The following FBXO41 variants were observed in gnomAD, a reference collection of about 807,000 sequenced individuals.
FBXO41 encodes the protein F-box only protein 41.
Under a neutral mutation model 81.6 loss-of-function variants are expected in FBXO41, and 33 were observed. The ratio of observed to expected loss-of-function variants is 0.40; its 90% CI spans 0.31 to 0.54. The LOEUF is 0.54. Among genes scored for constraint, FBXO41 ranks in the 20% least tolerant of loss-of-function variants. FBXO41 has a pLI of 0.39. For missense variants in FBXO41, 1,107 were observed against 1,236.0 expected (o/e 0.90, Z 1.56); for synonymous variants, 576 against 552.7 (o/e 1.04, Z -0.59).
In FBXO41 at chr2:73,268,829, G is replaced by T; in HGVS notation, c.802C>A (p.Arg268Ser). 6.3e-7 allele frequency: 1 copy of T among 1,575,272 alleles called. No individual in the cohort carries two copies. The highest frequency in any genetic ancestry group is 8.6e-7 in the Non-Finnish European group (1 of 1,161,690). The stretch of plus-strand genomic sequence containing the variant: ...ACCTGGCGGGAGAGCTCAGACGCGC[G>T]CTCCTCCAGCTCCTCCTTCTCGCGC... ...LGREKEELEERASELSRQVDV... is the reference protein window; with the variant it reads ...LGREKEELEESASELSRQVDV... Residue 268 changes from arginine (R) to serine (S), a missense_variant, in exon 2 of 13, where the codon CGC becomes AGC. Coordinates refer to ENST00000520530, the MANE Select transcript of FBXO41 (RefSeq NM_001371389.2).
rs1474631444 is a variant in FBXO41 at position 73,265,645 on chromosome 2, G to A, written c.1206-5C>T. The stretch of plus-strand genomic sequence containing the variant: ...GCTGGCACACGGCTGGAGGCCCTGG[G>A]GCAGGGTGGACCACACAGTAAGGGG... On this transcript the variant is annotated splice_region_variant and splice_polypyrimidine_tract_variant and intron_variant, in intron 4 of 12. Transcript: ENST00000520530. The A allele has an allele frequency of 1.3e-6, 2 of 1,502,618 alleles. No homozygotes were observed. Among genetic ancestry groups the A allele is most frequent in the Non-Finnish European group, 1.8e-6 (2 of 1,125,544 alleles). The allele number at this position is 1,502,618 out of a possible 1,614,324, so 93.1% of individuals were successfully genotyped here.
In FBXO41 at chr2:73,266,872, T is replaced by G; in HGVS notation, c.906-190A>C. ...GATGACACATACAGAAATGCATGCA[T>G]GCACTCCGAGCCACACACTCACACC... On this transcript the variant is annotated intron_variant, in intron 2 of 12. Coordinates refer to ENST00000520530, the MANE Select transcript of FBXO41 (RefSeq NM_001371389.2). The surrounding 1 kb of genome is among the most constrained non-coding windows in gnomAD (Gnocchi z 5.3). The G allele has an allele frequency of 1.2e-6, 1 of 859,532 alleles. No homozygotes were observed. The highest frequency in any genetic ancestry group is 1.6e-6 in the Non-Finnish European group (1 of 618,574). 53.2% of individuals were successfully genotyped at this position (859,532 alleles called of 1,614,324 possible).
intron 2 of FBXO41, among the ~76,000 whole-genome samples, chr2:73,267,279 G>T (rs894908013): frequency 6.6e-6 from 1 of 152,092 alleles, no homozygotes; most frequent in African/African-American, 2.4e-5. Flanking sequence ...TGTGAGACAC[G>T]CAAAGAACCA....
In FBXO41 at chr2:73,265,628, A is replaced by G; in HGVS notation, c.1218T>C (p.Arg406=). 6.6e-7 allele frequency: 1 copy of G among 1,514,578 alleles called. No individual in the cohort carries two copies. The highest frequency in any genetic ancestry group is 8.8e-7 in the Non-Finnish European group (1 of 1,132,268). The allele number at this position is 1,514,578 out of a possible 1,614,324, so 93.8% of individuals were successfully genotyped here. The change falls in exon 5 of 13, where the codon CGT becomes CGC. Residue 406 remains arginine (R), a synonymous_variant. Coordinates refer to ENST00000520530, the MANE Select transcript of FBXO41 (RefSeq NM_001371389.2). ...CTGAGCTCTGGGATGCGGCTGGCAC[A>G]CGGCTGGAGGCCCTGGGGCAGGGTG... ...GSSPSTGASS[R]VPAASQSSGC... is the part of the protein sequence containing the mutation.
rs1295004951 is a variant in FBXO41, at chr2:73,268,988, C to T, written c.643G>A (p.Val215Met). The T allele has an allele frequency of 7.1e-6, 11 of 1,538,936 alleles. No individual in the cohort carries two copies. The highest frequency in any genetic ancestry group is 9.6e-6 in the Non-Finnish European group (11 of 1,146,452). ...LKIRALEKLEVDRRLERLSEE... is the reference protein window; with the variant it reads ...LKIRALEKLEMDRRLERLSEE... ...CTCAGCCGCTCCAGCCGCCGGTCCA[C>T]CTCCAGCTTCTCCAGCGCGCGGATC... The change falls in exon 2 of 13, where the codon GTG becomes ATG. Residue 215 changes from valine to methionine, a missense_variant. Val to Met is a conservative substitution (Grantham distance 21). This residue lies in a region of FBXO41 where 771 missense variants were observed against 789.2 expected (regional missense o/e 0.98). Transcript: ENST00000520530.
At chr2:73,270,717 A>G (rs72809963) in intron 1 of FBXO41, 20,173 of 493,226 alleles carry the variant, frequency 0.041, 533 homozygotes, top group Non-Finnish European at 0.054. Context: ...TCCCCCCACC[A>G]ATTCTGGCAT....
intron 4 of FBXO41, 21 bp from the exon 5 acceptor site, chr2:73,265,661 C>G (rs781741985): frequency 6.7e-7 from 1 of 1,486,782 alleles, no homozygotes. Context: ...GTGGACCACA[C>G]AGTAAGGGGT....
chr2:73,275,514 T>G (rs568865678), intron 1 of FBXO41, among the ~76,000 whole-genome samples: 1 of 152,164 alleles, frequency 6.6e-6, no homozygotes, highest in South Asian at 2.1e-4. Flanking sequence ...CTAGAAATTT[T>G]TGGTGTGCAT....
rs1439973676 is a variant in FBXO41 at position 73,260,219 on chromosome 2, G to A, written c.2449+170C>T. ...GCTAATAAGTAGCAGAGCCAGACCT[G>A]GGACCTAGGTCAGTCAGGCTCTAGA... On this transcript the variant is annotated intron_variant, in intron 11 of 12. Transcript: ENST00000520530. This position sits in a 1 kb window ranked among gnomAD's most constrained non-coding sequence, Gnocchi z 5.0. Among the ~76,000 whole-genome samples, 2 of 152,126 alleles carry A rather than the reference G, an allele frequency of 1.3e-5. No homozygotes were observed. Among genetic ancestry groups the A allele is most frequent in the Non-Finnish European group, 2.9e-5 (2 of 68,012 alleles).
chr2:73,265,165 T>C (rs1389743495), intron 5 of FBXO41, 117 bp downstream of exon 5: 7 of 978,276 alleles, frequency 7.2e-6, no homozygotes, highest in African/African-American at 4.9e-5. Flanking sequence ...GCCCCAGGCT[T>C]GAAGGGCGCT....
chr2:73,262,739 CTATTTATT>C lies in FBXO41; in HGVS notation c.2171+466_2171+473del, dbSNP rs770741983. Among the ~76,000 whole-genome samples the C allele has an allele frequency of 3.3e-5, 5 of 152,084 alleles. No individual in the cohort carries two copies. The South Asian group carries it at 8.3e-4, about 25-fold the overall frequency. Reference sequence around the variant, plus strand: ...TGACCCCAGGTCTGATTTTATTTATCTATTTATTTATTTATTTATTTATTAGACGGAGT... The same window carrying C: ...TGACCCCAGGTCTGATTTTATTTATCTATTTATTTATTTATTAGACGGAGT... On this transcript the variant is annotated intron_variant, in intron 9 of 12. Transcript: ENST00000520530.
At chr2:73,283,656 T>A (rs1242686253) in intron 1 of FBXO41, among the ~76,000 whole-genome samples, 1 of 152,206 alleles carries the variant, frequency 6.6e-6, no homozygotes, top group Non-Finnish European at 1.5e-5. Flanking sequence ...GTACAGGCAC[T>A]GGATGTGAAG....
rs1261841782 is a variant in FBXO41, at chr2:73,263,210, C to T, written c.2171+3G>A. On this transcript the variant is annotated splice_donor_region_variant and intron_variant, in intron 9 of 12. Coordinates refer to ENST00000520530, the MANE Select transcript of FBXO41 (RefSeq NM_001371389.2). ...CCTATCCCCCAAACCTGCCAGGGCT[C>T]ACCAGGGGTGAAGTGGTGCCACTTG... is the stretch of plus-strand genomic sequence containing the variant. 4.5e-6 allele frequency: 7 copies of T among 1,553,358 alleles called. No homozygotes were observed. Among genetic ancestry groups the T allele is most frequent in the Admixed American group, 1.9e-5 (1 of 51,324 alleles).
At position 73,266,435 on chromosome 2, in the gene FBXO41, G is replaced by A; in HGVS notation, c.1131+22C>T. On this transcript the variant is annotated intron_variant, in intron 3 of 12. Coordinates refer to ENST00000520530, the MANE Select transcript of FBXO41 (RefSeq NM_001371389.2). This position sits in a 1 kb window ranked among gnomAD's most constrained non-coding sequence, Gnocchi z 5.3. ...GGGGGCCAGGTGTGCAGGTAGAGGAGGGAAGGCAGGTGGGCACTCACCATT... is the reference window on the plus strand; with the variant it reads ...GGGGGCCAGGTGTGCAGGTAGAGGAAGGAAGGCAGGTGGGCACTCACCATT... The A allele has an allele frequency of 2.0e-6, 3 of 1,469,214 alleles. No individual in the cohort carries two copies. The highest frequency in any genetic ancestry group is 2.7e-6 in the Non-Finnish European group (3 of 1,102,010). 91.0% of individuals were successfully genotyped at this position (1,469,214 alleles called of 1,614,324 possible). A position where few individuals can be genotyped will look rare whatever the true frequency, so the allele number is the denominator to read the frequency against.
intron 1 of FBXO41, among the ~76,000 whole-genome samples, chr2:73,277,576 A>T (rs1688732872): frequency 6.8e-6 from 1 of 146,320 alleles, no homozygotes; most frequent in South Asian, 2.3e-4. Context: ...TCTCAAGCCT[A>T]CTCTCTTTCA....
intron 2 of FBXO41, among the ~76,000 whole-genome samples, chr2:73,267,456 A>G (rs1290184711): frequency 6.6e-6 from 1 of 152,234 alleles, no homozygotes; most frequent in East Asian, 1.9e-4. Flanking sequence ...TTAGAATCAC[A>G]TGCATACTTA....
At chr2:73,273,517 C>G (rs563824582) in intron 1 of FBXO41, among the ~76,000 whole-genome samples, 2 of 152,164 alleles carry the variant, frequency 1.3e-5, no homozygotes, top group Non-Finnish European at 2.9e-5. Flanking sequence ...TCCCAGGGAA[C>G]ACACATGACC....
rs573175771 is a variant in FBXO41 at position 73,282,878 on chromosome 2, C to G, written c.-139+1282G>C. 7.2e-5 allele frequency among the ~76,000 whole-genome samples: 11 copies of G among 152,274 alleles called. No homozygotes were observed. The South Asian group carries it at 2.1e-3, about 29-fold the overall frequency. Reference sequence around the variant, plus strand: ...AGAGTTTGTTTTCTGGTGGCCCTGCCTCCCGGTCCCCACCTCCCCATCACA... The same window carrying G: ...AGAGTTTGTTTTCTGGTGGCCCTGCGTCCCGGTCCCCACCTCCCCATCACA... On this transcript the variant is annotated intron_variant, in intron 1 of 12. Transcript: ENST00000520530.
chr2:73,271,210 T>C (rs1392103604), intron 1 of FBXO41: 4 of 321,114 alleles, frequency 1.2e-5, no homozygotes, highest in South Asian at 5.1e-5. Context: ...ACAGGATGTA[T>C]GGGTGGATGT....
Sources: gnomAD v4.1 joint callset for allele counts (sites outside exome capture counted in the v4.1 genomes callset) on GRCh38, gnomAD v4.1.1 for gene constraint, gnomAD v4.1.1 regional missense constraint, Gnocchi (gnomAD v3.1) non-coding constraint, MANE v1.5 for transcripts, NCBI Gene and HGNC (gene_info 2026-07-23, HGNC 2026-07-21) for gene names.